Variants in MAGI3 observed in about 807,000 individuals in gnomAD.
The protein encoded by MAGI3 is membrane-associated guanylate kinase, WW and PDZ domain-containing protein 3.
Under a neutral mutation model 121.8 loss-of-function variants are expected in MAGI3, and 43 were observed. That is an observed-to-expected ratio of 0.35 (90% CI 0.28 to 0.46). The LOEUF (loss-of-function observed/expected upper bound fraction) is 0.46. Among genes scored for constraint, MAGI3 ranks in the 20% least tolerant of loss-of-function variants. The pLI is 1.00. For missense variants in MAGI3, 1,547 were observed against 1,797.3 expected (o/e 0.86, Z 2.52); for synonymous variants, 553 against 639.3 (o/e 0.86, Z 2.04).
intron 1 of MAGI3, among the ~76,000 whole-genome samples, chr1:113,439,520 T>G (rs1653808903): frequency 6.6e-6 from 1 of 152,200 alleles, no homozygotes; most frequent in African/African-American, 2.4e-5. Context: ...GTATTCCTCC[T>G]ATAGCATCTG....
chr1:113,410,119 C>G (rs909839133), intron 1 of MAGI3, among the ~76,000 whole-genome samples: 4 of 152,040 alleles, frequency 2.6e-5, no homozygotes, highest in Non-Finnish European at 5.9e-5. Flanking sequence ...TGTGTTCTTA[C>G]CAGAGTCCTC....
At chr1:113,579,778 CGACT>C (rs563032571) in intron 2 of MAGI3, among the ~76,000 whole-genome samples, 2 of 152,094 alleles carry the variant, frequency 1.3e-5, no homozygotes, top group African/African-American at 4.8e-5. Flanking sequence ...GAGCCCAAGA[CGACT>C]GACTCTCAGA....
At chr1:113,406,793 G>GA (rs1570626811) in intron 1 of MAGI3, among the ~76,000 whole-genome samples, 1 of 152,202 alleles carries the variant, frequency 6.6e-6, no homozygotes, top group East Asian at 1.9e-4. Flanking sequence ...GAGATAGGTA[G>GA]AAAAAATGTG....
chr1:113,530,507 T>C (rs1570807427), intron 1 of MAGI3, among the ~76,000 whole-genome samples: 1 of 151,872 alleles, frequency 6.6e-6, no homozygotes, highest in African/African-American at 2.4e-5. Context: ...ACTATGCTTA[T>C]TACCTGGGTG....
At chr1:113,528,679 C>T (rs970345601) in intron 1 of MAGI3, among the ~76,000 whole-genome samples, 4 of 152,080 alleles carry the variant, frequency 2.6e-5, no homozygotes, top group Non-Finnish European at 5.9e-5. Flanking sequence ...CTAATTCTAT[C>T]GTTCCTTGTA....
At chr1:113,411,195 T>A (rs935308400) in intron 1 of MAGI3, among the ~76,000 whole-genome samples, 8 of 152,126 alleles carry the variant, frequency 5.3e-5, no homozygotes, top group African/African-American at 1.7e-4. Flanking sequence ...TAATATATAA[T>A]TTATTCTTAG....
In MAGI3 at chr1:113,642,024, C is replaced by T. The variant is rs777362159; in HGVS notation, c.1474C>T (p.Arg492Cys). ...TCAGTATGTAAACCTCACTTTATGT[C>T]GTGGTTATCCACTTCCTGATGACAG... ...VNQYVNLTLC[R>C]GYPLPDDSED... The change falls in exon 10 of 21, where the codon CGT becomes TGT. Residue 492 changes from arginine (R) to cysteine (C), a missense_variant. By Grantham distance (180) the Arg-to-Cys change is radical (BLOSUM62 -3). Coordinates refer to ENST00000307546, the MANE Select transcript of MAGI3 (RefSeq NM_001142782.2). The T allele has an allele frequency of 8.7e-6, 14 of 1,614,122 alleles. No individual in the cohort carries two copies. Among genetic ancestry groups the T allele is most frequent in the Admixed American group, 1.7e-5 (1 of 60,012 alleles).
At chr1:113,631,127 C>G (rs539933636) in intron 9 of MAGI3, among the ~76,000 whole-genome samples, 3 of 152,266 alleles carry the variant, frequency 2.0e-5, no homozygotes, top group Non-Finnish European at 4.4e-5. Context: ...AATGCAAATC[C>G]TGACAATCGC....
intron 1 of MAGI3, among the ~76,000 whole-genome samples, chr1:113,393,130 C>T (rs193249810): frequency 6.6e-6 from 1 of 152,226 alleles, no homozygotes; most frequent in Admixed American, 6.5e-5. Flanking sequence ...ACCTGTTATA[C>T]ATTTTTCTCA....
At chr1:113,674,094 T>C (rs1427487512) in intron 19 of MAGI3, among the ~76,000 whole-genome samples, 1 of 152,226 alleles carries the variant, frequency 6.6e-6, no homozygotes, top group Non-Finnish European at 1.5e-5. Flanking sequence ...AGGAATCTTA[T>C]ATAGAAGACA....
At chr1:113,419,787 A>T (rs1652641154) in intron 1 of MAGI3, among the ~76,000 whole-genome samples, 1 of 152,170 alleles carries the variant, frequency 6.6e-6, no homozygotes, top group Non-Finnish European at 1.5e-5. Flanking sequence ...TGGAGGTCAG[A>T]GGTCTAAGTG....
Position 113,683,217 on chromosome 1 carries a change from C to T in MAGI3, c.3649C>T (p.Arg1217Ter), listed in dbSNP as rs765382649. The T allele has an allele frequency of 1.4e-5, 22 of 1,613,828 alleles. No individual in the cohort carries two copies. Among genetic ancestry groups the T allele is most frequent in the South Asian group, 2.2e-5 (2 of 91,052 alleles). The change falls in exon 21 of 21, where the codon CGA becomes TGA. Residue 1217 changes from arginine (R) to a stop codon, truncating the protein, a stop_gained. Transcript: ENST00000307546. LOFTEE classifies it low-confidence loss of function (END_TRUNC). ...ATTAAAAGTAGAAAATGGTGTTACA[C>T]GAAGAGGTAGATCGGTTAGTCCCAA... ...NLLKVENGVTRRGRSVSPKKP... is the reference protein window; with the variant it reads ...NLLKVENGVT
chr1:113,424,695 A>G (rs757742327), intron 1 of MAGI3, among the ~76,000 whole-genome samples: 8 of 152,210 alleles, frequency 5.3e-5, no homozygotes, highest in Non-Finnish European at 1.0e-4. Context: ...ACATAGACTG[A>G]TTCCAGTTTT....
chr1:113,575,273 G>A (rs1373190897), intron 2 of MAGI3, among the ~76,000 whole-genome samples: 1 of 152,034 alleles, frequency 6.6e-6, no homozygotes, highest in Non-Finnish European at 1.5e-5. Context: ...GAAGCATTCT[G>A]GTTTTTGGAA....
intron 2 of MAGI3, among the ~76,000 whole-genome samples, chr1:113,553,090 G>A (rs1659849392): frequency 6.6e-6 from 1 of 152,138 alleles, no homozygotes; most frequent in Non-Finnish European, 1.5e-5. Context: ...AAAAAAGAGG[G>A]CACTTCTATT....
At chr1:113,587,238 C>T (rs1252441157) in intron 4 of MAGI3, among the ~76,000 whole-genome samples, 2 of 152,104 alleles carry the variant, frequency 1.3e-5, no homozygotes, top group African/African-American at 4.8e-5. Context: ...CCCTTTGTTG[C>T]TCAAGCAGGA....
intron 1 of MAGI3, among the ~76,000 whole-genome samples, chr1:113,482,030 A>G (rs1479756982): frequency 6.6e-6 from 1 of 151,932 alleles, no homozygotes; most frequent in Non-Finnish European, 1.5e-5. Context: ...GAAGAAACAA[A>G]CTTAAACTAT....
intron 2 of MAGI3, among the ~76,000 whole-genome samples, chr1:113,573,432 C>A (rs929194020): frequency 1.3e-5 from 2 of 152,156 alleles, no homozygotes; most frequent in Non-Finnish European, 2.9e-5. Flanking sequence ...ATCTTTATTT[C>A]TTCCTTAATT....
intron 9 of MAGI3, among the ~76,000 whole-genome samples, chr1:113,631,520 ATATTT>A (rs1397381719): frequency 6.6e-6 from 1 of 152,124 alleles, no homozygotes; most frequent in African/African-American, 2.4e-5. Flanking sequence ...ATATTTTGAA[ATATTT>A]TATATAACTT....
Sources: gnomAD v4.1 joint callset for allele counts (sites outside exome capture counted in the v4.1 genomes callset) on GRCh38, gnomAD v4.1.1 for gene constraint, MANE v1.5 for transcripts, NCBI Gene and HGNC (gene_info 2026-07-23, HGNC 2026-07-21) for gene names.